Variants in PITPNM2 observed in about 807,000 individuals in gnomAD.
PITPNM2 encodes phosphatidylinositol transfer protein membrane associated 2.
PITPNM2 carries 35 observed loss-of-function variants against 132.2 expected under a neutral mutation model. The observed-to-expected ratio is 0.26, with a 90% CI of 0.20 to 0.35. PITPNM2 has a LOEUF of 0.35. PITPNM2 is among the 10% of genes least tolerant of loss of function. The pLI, the probability that PITPNM2 is intolerant of heterozygous loss-of-function variation, is 1.00. For missense variants in PITPNM2, 1,332 were observed against 1,912.0 expected (o/e 0.70, Z 5.66); for synonymous variants, 738 against 799.2 (o/e 0.92, Z 1.29).
chr12:123,001,735 A>T (rs28755851), intron 8 of PITPNM2, among the ~76,000 whole-genome samples: 82,420 of 151,732 alleles, frequency 0.54, 26,899 homozygotes, highest in Non-Finnish European at 0.71. Flanking sequence ...CTGTTTTTTT[A>T]AAAATGCTAT....
At chr12:123,006,204 CA>C (rs1449537868) in intron 6 of PITPNM2, 1 of 152,094 alleles carries the variant, frequency 6.6e-6, no homozygotes, top group African/African-American at 2.4e-5. Context: ...TCTCGTGTCT[CA>C]GTGTCTGCTA....
chr12:122,991,951 C>T (rs2038207496), intron 16 of PITPNM2: 1 of 1,293,784 alleles, frequency 7.7e-7, no homozygotes, highest in Non-Finnish European at 9.8e-7. Context: ...TTGCATGGGC[C>T]ATCCAGACAC....
intron 10 of PITPNM2, among the ~76,000 whole-genome samples, chr12:122,998,402 A>G (rs888068846): frequency 6.6e-6 from 1 of 152,140 alleles, no homozygotes; most frequent in African/African-American, 2.4e-5. Context: ...GACTGGGCCA[A>G]TATCACATAG....
intron 3 of PITPNM2, among the ~76,000 whole-genome samples, chr12:123,029,827 CTGTGTGTGTGTGTGTG>C (rs57222285): frequency 2.8e-4 from 38 of 135,582 alleles, no homozygotes; most frequent in African/African-American, 1.1e-3. Flanking sequence ...ACATATGTGT[CTGTGTGTGTGTGTGTG>C]TGTGTGTGTG....
At chr12:123,123,474 A>C (rs2043071396) in intron 1 of PITPNM2, among the ~76,000 whole-genome samples, 1 of 152,032 alleles carries the variant, frequency 6.6e-6, no homozygotes, top group Non-Finnish European at 1.5e-5. Context: ...AGCCAGGTGC[A>C]GTTGCACGTG....
chr12:123,044,767 G>A (rs1202393581), intron 2 of PITPNM2, among the ~76,000 whole-genome samples: 1 of 152,070 alleles, frequency 6.6e-6, no homozygotes, highest in African/African-American at 2.4e-5. Context: ...TCTCCATCTT[G>A]AGTCTTCGTT....
In PITPNM2 at chr12:122,986,553, G is replaced by A. The variant is rs143901626; in HGVS notation, c.3609C>T (p.Arg1203=). The A allele has an allele frequency of 5.6e-6, 9 of 1,597,430 alleles. No individual in the cohort carries two copies. Among genetic ancestry groups the A allele is most frequent in the South Asian group, 1.1e-5 (1 of 89,744 alleles). The part of the protein sequence containing the change: ...LKLLISELHL[R]VHAAYGSTKD... ...TGGTGGAGCCATAGGCCGCGTGCAC[G>A]CGCAGGTGCAGCTGTGGGGAGACTG... The change falls in exon 25 of 26, where the codon CGC becomes CGT. Residue 1203 remains arginine, a synonymous_variant. Coordinates refer to ENST00000320201, the MANE Select transcript of PITPNM2 (RefSeq NM_020845.3).
At chr12:123,046,782 A>G (rs983394333) in intron 2 of PITPNM2, among the ~76,000 whole-genome samples, 1 of 152,094 alleles carries the variant, frequency 6.6e-6, no homozygotes, top group African/African-American at 2.4e-5. Context: ...GCTTTTTATG[A>G]CTGAATAATA....
At position 122,990,633 on chromosome 12, in the gene PITPNM2, A is replaced by G; in HGVS notation, c.2481T>C (p.Ser827=). Residue 827 remains serine (S), a synonymous_variant, in exon 17 of 26, where the codon AGT becomes AGC. Transcript: ENST00000320201. ...TCTCACTGGCTCGGCGGAAGCCACG[A>G]CTGGCAGGGGCAGTGCCCGGCGAGG... ...APSSPGTAPA[S]RGFRRASEIS... 6.2e-7 allele frequency: 1 copy of G among 1,612,364 alleles called. No homozygotes were observed. The highest frequency in any genetic ancestry group is 8.5e-7 in the Non-Finnish European group (1 of 1,179,978).
chr12:123,094,065 G>A (rs2042342073), intron 2 of PITPNM2, among the ~76,000 whole-genome samples: 1 of 152,242 alleles, frequency 6.6e-6, no homozygotes, highest in African/African-American at 2.4e-5. Flanking sequence ...GAAAGGCCTG[G>A]TTAGGGGCCA....
chr12:123,077,573 C>T lies in PITPNM2; in HGVS notation c.-96+32812G>A, dbSNP rs375233738. Among the ~76,000 whole-genome samples, 4 of 152,234 alleles carry T rather than the reference C, an allele frequency of 2.6e-5. 1 individual carries two copies. In the South Asian group the frequency reaches 8.3e-4, roughly 32 times the overall value. On this transcript the variant is annotated intron_variant, in intron 2 of 25. Coordinates refer to ENST00000320201, the MANE Select transcript of PITPNM2 (RefSeq NM_020845.3). The surrounding 1 kb of genome is among the most constrained non-coding windows in gnomAD (Gnocchi z 4.8). ...TACCCAAGCACCAGGAGGCAGGAGT[C>T]GAGCTACTCACAGACTCCCTAGAGG...
chr12:123,010,993 G>A (rs570412228), intron 5 of PITPNM2, among the ~76,000 whole-genome samples: 2 of 152,352 alleles, frequency 1.3e-5, no homozygotes, highest in South Asian at 2.1e-4. Flanking sequence ...AAGAAGATGG[G>A]TGATGGCTCT....
intron 2 of PITPNM2, among the ~76,000 whole-genome samples, chr12:123,046,823 A>T (rs2040674837): frequency 6.6e-6 from 1 of 152,186 alleles, no homozygotes; most frequent in African/African-American, 2.4e-5. Context: ...CCCCGTTTTT[A>T]TAACTAAGGA....
At chr12:123,125,105 G>A (rs774473973) in intron 1 of PITPNM2, among the ~76,000 whole-genome samples, 49 of 152,270 alleles carry the variant, frequency 3.2e-4, no homozygotes, top group South Asian at 6.2e-4. Context: ...CTACAGGCAT[G>A]TGTCACCATG....
At chr12:122,996,151 T>C (rs2038417077) in intron 13 of PITPNM2, among the ~76,000 whole-genome samples, 2 of 152,178 alleles carry the variant, frequency 1.3e-5, no homozygotes, top group African/African-American at 2.4e-5. Context: ...CCAGGCACTT[T>C]CCTTGACTCT....
At position 123,003,847 on chromosome 12, in the gene PITPNM2, G is replaced by A. The variant is rs951700666; in HGVS notation, c.1048+547C>T. Among the ~76,000 whole-genome samples the A allele has an allele frequency of 7.9e-5, 12 of 152,342 alleles. No homozygotes were observed. The South Asian group carries it at 2.3e-3, about 29-fold the overall frequency. On this transcript the variant is annotated intron_variant, in intron 8 of 25. Transcript: ENST00000320201. ...GGAATGGCTGGGGCACCAAGCAGGC[G>A]AGCGCTGTATGCATGCCTCTTCCTG...
chr12:123,054,720 C>T (rs971719680), intron 2 of PITPNM2, among the ~76,000 whole-genome samples: 1 of 152,250 alleles, frequency 6.6e-6, no homozygotes, highest in Non-Finnish European at 1.5e-5. Flanking sequence ...CTTTGACCTT[C>T]TGCATGTTAT....
At position 122,989,935 on chromosome 12, in the gene PITPNM2, C is replaced by T. The variant is rs372919659; in HGVS notation, c.2583G>A (p.Ala861=). The stretch of plus-strand genomic sequence containing the variant: ...GCCTGACGCTGGGGGTATGGCTGAG[C>T]GCATCGGGGGCCTCTGAGAAGCAAG... ...ASSIAQKAPD[A]LSHTPSVRRL... Residue 861 remains alanine, a synonymous_variant, in exon 18 of 26, where the codon GCG becomes GCA. Coordinates refer to ENST00000320201, the MANE Select transcript of PITPNM2 (RefSeq NM_020845.3). 1.2e-5 allele frequency: 16 copies of T among 1,306,910 alleles called. No individual in the cohort carries two copies. The highest frequency in any genetic ancestry group is 4.6e-5 in the African/African-American group (3 of 64,692). The allele number at this position is 1,306,910 out of a possible 1,614,324, so 81.0% of individuals were successfully genotyped here. A position where few individuals can be genotyped will look rare whatever the true frequency, so the allele number is the denominator to read the frequency against.
At position 123,012,731 on chromosome 12, in the gene PITPNM2, G is replaced by A. The variant is rs890262362; in HGVS notation, c.297C>T (p.Phe99=). Residue 99 remains phenylalanine, a synonymous_variant, in exon 5 of 26, where the codon TTC becomes TTT. Coordinates refer to ENST00000320201, the MANE Select transcript of PITPNM2 (RefSeq NM_020845.3). ...AGAATTTCTCCACGAAAGGACAGGTGAACCTGTGCGGAAAGGAAAGCACTC... is the reference window on the plus strand; with the variant it reads ...AGAATTTCTCCACGAAAGGACAGGTAAACCTGTGCGGAAAGGAAAGCACTC... ...WNAYPYTRTR[F]TCPFVEKFSI... The A allele has an allele frequency of 6.2e-7, 1 of 1,613,936 alleles. No homozygotes were observed. The highest frequency in any genetic ancestry group is 1.3e-5 in the African/African-American group (1 of 74,946).
Sources: allele counts gnomAD v4.1 joint callset (sites outside exome capture counted in the v4.1 genomes callset), GRCh38; gene constraint gnomAD v4.1.1; non-coding constraint Gnocchi (gnomAD v3.1); transcripts MANE v1.5; gene names NCBI Gene and HGNC (gene_info 2026-07-23, HGNC 2026-07-21).